Variants in RADIL observed in about 807,000 individuals in gnomAD.
RADIL encodes the protein Rap associating with DIL domain.
A neutral mutation model predicts 97.6 loss-of-function variants in RADIL; 99 were observed. The ratio of observed to expected loss-of-function variants is 1.01; its 90% CI spans 0.86 to 1.20. The LOEUF (loss-of-function observed/expected upper bound fraction) is 1.20. Among genes scored for constraint, RADIL ranks in the 50% most tolerant of loss-of-function variants. The pLI, the probability that RADIL is intolerant of heterozygous loss-of-function variation, is 0.00. For synonymous variants in RADIL, 803 were observed against 691.8 expected (o/e 1.16, Z -2.52); for missense variants, 1,765 against 1,498.9 (o/e 1.18, Z -2.93).
Position 4,822,542 on chromosome 7 carries a change from G to C in RADIL, c.1467C>G (p.Ile489Met). Residue 489 changes from isoleucine to methionine, a missense_variant, in exon 6 of 15, where the codon ATC becomes ATG. Ile to Met is a conservative substitution (Grantham distance 10). Coordinates refer to ENST00000399583, the MANE Select transcript of RADIL (RefSeq NM_018059.5). This position sits in a 1 kb window ranked among gnomAD's most constrained non-coding sequence, Gnocchi z 5.3. ...AEKQAQLQEP[I>M]SLASCAMADL... is the part of the protein sequence containing the mutation. ...CAGCCATGGCGCAGCTGGCCAGCGAGATGGGCTCCTGGCTACCAAGACAGA... is the reference window on the plus strand; with the variant it reads ...CAGCCATGGCGCAGCTGGCCAGCGACATGGGCTCCTGGCTACCAAGACAGA... 1.2e-6 allele frequency: 2 copies of C among 1,612,886 alleles called. No individual in the cohort carries two copies. The highest frequency in any genetic ancestry group is 1.1e-5 in the South Asian group (1 of 91,060).
intron 2 of RADIL, among the ~76,000 whole-genome samples, chr7:4,875,759 G>A (rs549694362): frequency 2.0e-5 from 3 of 152,242 alleles, no homozygotes; most frequent in East Asian, 1.9e-4. Flanking sequence ...CCTCCCTTTC[G>A]GGTTTCCTGG....
At chr7:4,804,073 T>C (rs1217171708) in intron 10 of RADIL, 3 of 392,546 alleles carry the variant, frequency 7.6e-6, no homozygotes, top group Non-Finnish European at 1.5e-5. Context: ...TCTCTGATGG[T>C]GTCTCCGGGT....
intron 2 of RADIL, among the ~76,000 whole-genome samples, chr7:4,844,133 G>A (rs1163200420): frequency 2.6e-5 from 4 of 152,022 alleles, no homozygotes; most frequent in Admixed American, 2.0e-4. Flanking sequence ...GGGAAAAATA[G>A]GGGAAAGATA....
In RADIL at chr7:4,847,320, A is replaced by T. The variant is rs181307227; in HGVS notation, c.536-10715T>A. ...GGGCAACAGAGCAAGACTCCGTCTC[A>T]CCAAACAACAACAACAAAAAAGTTA... On this transcript the variant is annotated intron_variant, in intron 2 of 14. Coordinates refer to ENST00000399583, the MANE Select transcript of RADIL (RefSeq NM_018059.5). Among the ~76,000 whole-genome samples the T allele has an allele frequency of 6.0e-5, 9 of 150,828 alleles. No individual in the cohort carries two copies. The East Asian group carries it at 1.8e-3, about 30-fold the overall frequency.
intron 9 of RADIL, among the ~76,000 whole-genome samples, chr7:4,810,563 T>C (rs563754508): frequency 6.6e-5 from 10 of 152,296 alleles, no homozygotes; most frequent in African/African-American, 2.2e-4. Context: ...AAATAGAATA[T>C]GGGTTTTTCC....
Position 4,836,894 on chromosome 7 carries a change from C to T in RADIL, c.536-289G>A, listed in dbSNP as rs141158987. Among the ~76,000 whole-genome samples, 7 of 152,182 alleles carry T rather than the reference C, an allele frequency of 4.6e-5. No homozygotes were observed. In the East Asian group the frequency reaches 1.2e-3, roughly 25 times the overall value. On this transcript the variant is annotated intron_variant, in intron 2 of 14. Coordinates refer to ENST00000399583, the MANE Select transcript of RADIL (RefSeq NM_018059.5). ...CGGAGGTGGCAGTGAGCTGAGATTG[C>T]ACCACTGCACTCCAGCCTGGGTGAC... is the stretch of plus-strand genomic sequence containing the variant.
intron 2 of RADIL, among the ~76,000 whole-genome samples, chr7:4,844,583 G>C (rs565279193): frequency 6.6e-6 from 1 of 152,276 alleles, no homozygotes; most frequent in East Asian, 1.9e-4. Flanking sequence ...GACTAGACAT[G>C]GTGAATAAGC....
chr7:4,817,420 C>T lies in RADIL; in HGVS notation c.1616-69G>A. The T allele has an allele frequency of 7.2e-7, 1 of 1,397,736 alleles. No homozygotes were observed. The allele number at this position is 1,397,736 out of a possible 1,614,324, so 86.6% of individuals were successfully genotyped here. On this transcript the variant is annotated intron_variant, in intron 6 of 14. Transcript: ENST00000399583. This position sits in a 1 kb window ranked among gnomAD's most constrained non-coding sequence, Gnocchi z 8.3. The stretch of plus-strand genomic sequence containing the variant: ...CTCAGGAACGCAGCAACTCAGCCAG[C>T]CGCCAGCTCTTTCCCTGGCGCGGGC...
intron 2 of RADIL, among the ~76,000 whole-genome samples, chr7:4,839,332 C>T (rs995857654): frequency 6.6e-6 from 1 of 152,108 alleles, no homozygotes; most frequent in Non-Finnish European, 1.5e-5. Flanking sequence ...TTTTATTGGG[C>T]TGGGGTCGGA....
Position 4,834,558 on chromosome 7 carries a change from T to C in RADIL, c.1416+49A>G. ...GCCGGGGCCAGCTCCGGGCCCCCTC[T>C]TCCCCCAGACCGGCACAGGACCCAG... On this transcript the variant is annotated intron_variant, in intron 4 of 14. Coordinates refer to ENST00000399583, the MANE Select transcript of RADIL (RefSeq NM_018059.5). The surrounding 1 kb of genome is among the most constrained non-coding windows in gnomAD (Gnocchi z 6.0). The C allele has an allele frequency of 7.7e-7, 1 of 1,299,684 alleles. No homozygotes were observed. Among genetic ancestry groups the C allele is most frequent in the Non-Finnish European group, 9.8e-7 (1 of 1,020,932 alleles). 80.5% of individuals were successfully genotyped at this position (1,299,684 alleles called of 1,614,324 possible). A position where few individuals can be genotyped will look rare whatever the true frequency, so the allele number is the denominator to read the frequency against.
At chr7:4,809,527 G>C (rs912307006) in intron 9 of RADIL, 45 of 985,276 alleles carry the variant, frequency 4.6e-5, no homozygotes, top group South Asian at 2.3e-4. Flanking sequence ...GTGGGCGGCG[G>C]CTGCTCGGGA....
intron 2 of RADIL, among the ~76,000 whole-genome samples, chr7:4,855,954 C>T (rs1488981217): frequency 6.6e-6 from 1 of 151,984 alleles, no homozygotes; most frequent in Non-Finnish European, 1.5e-5. Flanking sequence ...CATCACCATG[C>T]CCAGCGAATT....
At chr7:4,810,312 C>G (rs549530240) in intron 9 of RADIL, among the ~76,000 whole-genome samples, 1 of 152,078 alleles carries the variant, frequency 6.6e-6, no homozygotes, top group Non-Finnish European at 1.5e-5. Flanking sequence ...CATCACCATG[C>G]CTGGCTAATT....
At chr7:4,874,782 G>C (rs1784331955) in intron 2 of RADIL, among the ~76,000 whole-genome samples, 1 of 152,236 alleles carries the variant, frequency 6.6e-6, no homozygotes, top group South Asian at 2.1e-4. Context: ...GCTTGGCCGG[G>C]TGTGGTGGCT....
chr7:4,832,584 C>A (rs922265044), intron 4 of RADIL, among the ~76,000 whole-genome samples: 7 of 151,656 alleles, frequency 4.6e-5, no homozygotes, highest in Non-Finnish European at 8.8e-5. Flanking sequence ...ACTAAAAATA[C>A]AAAAATTAGC....
chr7:4,800,604 C>T (rs1038895305), intron 12 of RADIL, among the ~76,000 whole-genome samples: 4 of 152,080 alleles, frequency 2.6e-5, no homozygotes, highest in Non-Finnish European at 4.4e-5. Context: ...GGGACCCACG[C>T]GGTTCTGTGC....
At position 4,854,240 on chromosome 7, in the gene RADIL, C is replaced by T. The variant is rs372725721; in HGVS notation, c.536-17635G>A. Among the ~76,000 whole-genome samples the T allele has an allele frequency of 1.1e-4, 16 of 152,284 alleles. No individual in the cohort carries two copies. The East Asian group carries it at 2.7e-3, about 26-fold the overall frequency. Reference sequence around the variant, plus strand: ...CCAGGAAAGCCACCGTTACCAGCCCCGAACTTACTGTTAGGTGAAAGAAAG... The same window carrying T: ...CCAGGAAAGCCACCGTTACCAGCCCTGAACTTACTGTTAGGTGAAAGAAAG... On this transcript the variant is annotated intron_variant, in intron 2 of 14. Coordinates refer to ENST00000399583, the MANE Select transcript of RADIL (RefSeq NM_018059.5). The surrounding 1 kb of genome is among the most constrained non-coding windows in gnomAD (Gnocchi z 5.1).
At chr7:4,803,510 G>C (rs1208772828) in intron 11 of RADIL, 36 bp downstream of exon 11, 2 of 1,481,272 alleles carry the variant, frequency 1.4e-6, no homozygotes, top group African/African-American at 2.9e-5. Flanking sequence ...CGGGCACCTC[G>C]GGGCACGCTG....
intron 9 of RADIL, among the ~76,000 whole-genome samples, chr7:4,812,390 G>C (rs1032178458): frequency 6.6e-5 from 10 of 151,798 alleles, no homozygotes; most frequent in African/African-American, 2.4e-4. Flanking sequence ...ACTAGCAATT[G>C]TGTTTTCTCC....
Sources: allele counts gnomAD v4.1 joint callset (sites outside exome capture counted in the v4.1 genomes callset), GRCh38; gene constraint gnomAD v4.1.1; non-coding constraint Gnocchi (gnomAD v3.1); transcripts MANE v1.5; gene names NCBI Gene and HGNC (gene_info 2026-07-23, HGNC 2026-07-21).